Variants in ICE1 observed in about 807,000 individuals in gnomAD.
ICE1 encodes interactor of little elongation complex ELL subunit 1, also known as little elongation complex subunit 1.
A neutral mutation model predicts 192.7 loss-of-function variants in ICE1; 64 were observed. The observed-to-expected ratio is 0.33, with a 90% CI of 0.27 to 0.41. The LOEUF (loss-of-function observed/expected upper bound fraction) is 0.41, where lower values mean the gene tolerates loss of function less well. Ranked by LOEUF, ICE1 falls within the 10% of genes least tolerant of loss-of-function variation. ICE1 has a pLI of 1.00. For missense variants in ICE1, 2,708 were observed against 2,696.0 expected, an observed-to-expected ratio of 1.00 and a Z score of -0.10; for synonymous variants, 1,010 against 984.5, an observed-to-expected ratio of 1.03 and a Z score of -0.49.
intron 7 of ICE1, among the ~76,000 whole-genome samples, chr5:5,444,990 G>A (rs1460412066): frequency 1.3e-5 from 2 of 152,160 alleles, no homozygotes; most frequent in East Asian, 1.9e-4. Context: ...CTAATACCAA[G>A]TAGAGACAAA....
chr5:5,445,637 C>T (rs920139121), intron 7 of ICE1, among the ~76,000 whole-genome samples: 5 of 152,042 alleles, frequency 3.3e-5, no homozygotes, highest in African/African-American at 1.2e-4. Context: ...TGGTCTCGAA[C>T]TCCTGACCTC....
At chr5:5,432,789 C>G (rs879624600) in intron 1 of ICE1, among the ~76,000 whole-genome samples, 21 of 152,138 alleles carry the variant, frequency 1.4e-4, no homozygotes, top group Non-Finnish European at 2.5e-4. Context: ...ACTTGTTTCG[C>G]AAATATAATA....
intron 14 of ICE1, among the ~76,000 whole-genome samples, chr5:5,467,163 C>T (rs911238594): frequency 6.6e-6 from 1 of 152,100 alleles, no homozygotes; most frequent in Non-Finnish European, 1.5e-5. Context: ...CTGTTGTGAA[C>T]GAAGCTGTGA....
chr5:5,445,246 C>G (rs565509741), intron 7 of ICE1, among the ~76,000 whole-genome samples: 1 of 152,218 alleles, frequency 6.6e-6, no homozygotes. Context: ...ATTTTTTGGA[C>G]TGGAACTCTA....
At chr5:5,457,185 A>G (rs925464636) in intron 11 of ICE1, 147 bp from the exon 12 acceptor site, 4 of 686,464 alleles carry the variant, frequency 5.8e-6, no homozygotes, top group Non-Finnish European at 9.2e-6. Context: ...ATGTTTAGAA[A>G]GCGATTGGTT....
intron 17 of ICE1, among the ~76,000 whole-genome samples, chr5:5,483,843 T>C (rs533445805): frequency 2.0e-5 from 3 of 152,356 alleles, no homozygotes; most frequent in Admixed American, 6.5e-5. Flanking sequence ...GATTTCTATC[T>C]GTTCTCTTGG....
At chr5:5,484,491 C>CA (rs1317105859) in intron 17 of ICE1, among the ~76,000 whole-genome samples, 1 of 152,136 alleles carries the variant, frequency 6.6e-6, no homozygotes, top group African/African-American at 2.4e-5. Flanking sequence ...AATCTGATTG[C>CA]AAAGAGATAT....
chr5:5,489,054 T>C, intron 18 of ICE1, 95 bp from the exon 19 acceptor site: 1 of 1,013,440 alleles, frequency 9.9e-7, no homozygotes, highest in Non-Finnish European at 1.4e-6. Context: ...CAGAAAGCAT[T>C]CTGTATTTGA....
In ICE1 at chr5:5,441,243, G is replaced by A. The variant is rs1360171420; in HGVS notation, c.309+20G>A. 1.4e-6 allele frequency: 2 copies of A among 1,430,072 alleles called. No homozygotes were observed. Among genetic ancestry groups the A allele is most frequent in the Non-Finnish European group, 1.9e-6 (2 of 1,037,782 alleles). 88.6% of individuals were successfully genotyped at this position (1,430,072 alleles called of 1,614,324 possible). On this transcript the variant is annotated intron_variant, in intron 5 of 18. Coordinates refer to ENST00000296564, the MANE Select transcript of ICE1 (RefSeq NM_015325.3). ...AAAAAGGTATGAACAATAATTTTCT[G>A]TAAAGATTTACGGTCAATAAATTAG...
intron 18 of ICE1, 117 bp downstream of exon 18, chr5:5,486,936 T>G (rs563941243): frequency 1.0e-4 from 64 of 623,680 alleles, no homozygotes; most frequent in African/African-American, 8.0e-4. Flanking sequence ...CCTCATAGAT[T>G]AGGGAATATT....
In ICE1 at chr5:5,441,161, TCTC is replaced by T. The variant is rs748812419; in HGVS notation, c.251_253del (p.Pro84del). ...AGTGGAAGAGATGCTTCAAAAAATT[TCTC>T]CTCTACAGAAATGTCAGGAAGAACT... On this transcript the variant is annotated inframe_deletion, in exon 5 of 19. Transcript: ENST00000296564. 2.3e-5 allele frequency: 36 copies of T among 1,565,398 alleles called. No homozygotes were observed. The highest frequency in any genetic ancestry group is 2.9e-5 in the Non-Finnish European group (34 of 1,153,776).
At position 5,461,396 on chromosome 5, in the gene ICE1, G is replaced by C; in HGVS notation, c.2062G>C (p.Glu688Gln). ...KTLNTLHLQS[E>Q]PPECSIGGNN... ...TTTAAACACATTACATCTGCAGTCT[G>C]AGCCACCGGAGTGTTCTATAGGAGG... Residue 688 changes from glutamate to glutamine, a missense_variant, in exon 13 of 19, where the codon GAG (glutamate) becomes CAG (glutamine). By Grantham distance (29) the Glu-to-Gln change is conservative. This residue lies in a region of ICE1 where 2,366 missense variants were observed against 2,276.6 expected (regional missense o/e 1.04). Transcript: ENST00000296564. 2 of 1,614,002 alleles carry C rather than the reference G, an allele frequency of 1.2e-6. No homozygotes were observed. The highest frequency in any genetic ancestry group is 1.7e-6 in the Non-Finnish European group (2 of 1,179,884).
intron 1 of ICE1, among the ~76,000 whole-genome samples, chr5:5,435,925 C>A (rs1284642620): frequency 6.6e-6 from 1 of 152,064 alleles, no homozygotes; most frequent in Non-Finnish European, 1.5e-5. Flanking sequence ...CTCAGCCTCC[C>A]AAAGTGCTGG....
At chr5:5,458,847 C>T (rs185132689) in intron 12 of ICE1, among the ~76,000 whole-genome samples, 74 of 152,186 alleles carry the variant, frequency 4.9e-4, no homozygotes, top group African/African-American at 1.7e-3. Context: ...GGCAGGGTAG[C>T]GGCTTAATAA....
intron 11 of ICE1, 79 bp downstream of exon 11, chr5:5,454,717 T>G: frequency 1.1e-6 from 1 of 935,632 alleles, no homozygotes; most frequent in South Asian, 1.5e-5. Context: ...CCGTTACTTT[T>G]TAATAGCTCC....
chr5:5,478,172 CTG>C (rs1188833474), intron 17 of ICE1, among the ~76,000 whole-genome samples: 1 of 152,204 alleles, frequency 6.6e-6, no homozygotes, highest in Non-Finnish European at 1.5e-5. Flanking sequence ...GGAAGTCAAA[CTG>C]TCTTTGCAGA....
intron 17 of ICE1, among the ~76,000 whole-genome samples, chr5:5,480,887 C>T (rs1368569970): frequency 2.0e-5 from 3 of 152,256 alleles, no homozygotes; most frequent in Admixed American, 6.5e-5. Flanking sequence ...GGTAGAGATA[C>T]ATCAGAAGAT....
intron 10 of ICE1, among the ~76,000 whole-genome samples, chr5:5,449,436 A>G (rs1187726321): frequency 1.3e-5 from 2 of 151,788 alleles, no homozygotes; most frequent in African/African-American, 4.8e-5. Context: ...CTTTTCTTTA[A>G]AATTCCAACA....
rs367790734 is a variant in ICE1 at position 5,464,365 on chromosome 5, G to T, written c.5031G>T (p.Val1677=). ...TTTCTCCCTTCCGTGAAACCCCAGT[G>T]CCTCCTGCCATGTCTCCATGGCCAG... ...GQVSPFRETP[V]PPAMSPWPED... Residue 1677 remains valine, a synonymous_variant, in exon 13 of 19, where the codon GTG becomes GTT. Coordinates refer to ENST00000296564, the MANE Select transcript of ICE1 (RefSeq NM_015325.3). This position sits in a 1 kb window ranked among gnomAD's most constrained non-coding sequence, Gnocchi z 4.0. 3 of 1,613,730 alleles carry T rather than the reference G, an allele frequency of 1.9e-6. No homozygotes were observed. The highest frequency in any genetic ancestry group is 2.5e-6 in the Non-Finnish European group (3 of 1,179,836).
Sources: allele counts gnomAD v4.1 joint callset (sites outside exome capture counted in the v4.1 genomes callset), GRCh38; gene constraint gnomAD v4.1.1; regional missense constraint gnomAD v4.1.1; non-coding constraint Gnocchi (gnomAD v3.1); transcripts MANE v1.5; gene names NCBI Gene and HGNC (gene_info 2026-07-23, HGNC 2026-07-21).